The following MAP4K3 variants were observed in gnomAD, a reference collection of about 807,000 sequenced individuals.
MAP4K3 encodes mitogen-activated protein kinase kinase kinase kinase 3, also known as MAPK/ERK kinase kinase kinase 3.
MAP4K3 carries 94 observed loss-of-function variants against 143.5 expected under a neutral mutation model. The ratio of observed to expected loss-of-function variants is 0.65; its 90% CI spans 0.55 to 0.78. MAP4K3 has a LOEUF of 0.78. MAP4K3 is among the 30% of genes least tolerant of loss of function. MAP4K3 has a pLI of 0.00. For synonymous variants in MAP4K3, 416 were observed against 347.2 expected (o/e 1.20, Z -2.20); for missense variants, 1,077 against 1,068.1 (o/e 1.01, Z -0.12).
chr2:39,339,630 G>A (rs1665084675), intron 4 of MAP4K3, among the ~76,000 whole-genome samples: 1 of 152,176 alleles, frequency 6.6e-6, no homozygotes, highest in South Asian at 2.1e-4. Flanking sequence ...AGAAGTCTCA[G>A]AGGGCTACAT....
intron 26 of MAP4K3, among the ~76,000 whole-genome samples, chr2:39,269,742 GAC>G (rs1418991128): frequency 6.6e-6 from 1 of 152,074 alleles, no homozygotes; most frequent in Non-Finnish European, 1.5e-5. Context: ...GCTAAACAAT[GAC>G]ACAGAATTTA....
At chr2:39,326,098 G>C in intron 9 of MAP4K3, 48 bp downstream of exon 9, 3 of 1,589,120 alleles carry the variant, frequency 1.9e-6, no homozygotes, top group Non-Finnish European at 2.6e-6. Flanking sequence ...AGCATACTAA[G>C]AGGATAAAAA....
intron 7 of MAP4K3, among the ~76,000 whole-genome samples, chr2:39,333,108 C>T (rs1683731975): frequency 6.6e-6 from 1 of 152,062 alleles, no homozygotes; most frequent in African/African-American, 2.4e-5. Context: ...CAACATTCAG[C>T]ATCTAAATTA....
intron 1 of MAP4K3, among the ~76,000 whole-genome samples, chr2:39,394,292 G>A (rs1213277607): frequency 6.6e-6 from 1 of 152,130 alleles, no homozygotes; most frequent in South Asian, 2.1e-4. Flanking sequence ...AAACATAAAG[G>A]AGGAGCCAGG....
rs770858392 is a variant in MAP4K3 at position 39,286,839 on chromosome 2, T to C, written c.1587+13A>G. The C allele has an allele frequency of 1.3e-6, 2 of 1,546,780 alleles. No homozygotes were observed. Among genetic ancestry groups the C allele is most frequent in the Non-Finnish European group, 1.8e-6 (2 of 1,134,970 alleles). On this transcript the variant is annotated intron_variant, in intron 21 of 33. Transcript: ENST00000263881. Reference sequence around the variant, plus strand: ...AACAAATACAAGTAGAACTTATGACTATCAATACCTACTGGTACATCTTTC... The same window carrying C: ...AACAAATACAAGTAGAACTTATGACCATCAATACCTACTGGTACATCTTTC...
At position 39,299,779 on chromosome 2, in the gene MAP4K3, T is replaced by C. The variant is rs1682432825; in HGVS notation, c.1142A>G (p.Gln381Arg). ...SNLDLQLEYGQGHQGGYFLGA... is the reference protein window; with the variant it reads ...SNLDLQLEYGRGHQGGYFLGA... Reference sequence around the variant, plus strand: ...TAAAAAGTAACCACCTTGGTGTCCTTGTCCATATTCCAGTTGCAGATCCTA... The same window carrying C: ...TAAAAAGTAACCACCTTGGTGTCCTCGTCCATATTCCAGTTGCAGATCCTA... The change falls in exon 16 of 34, where the codon CAA (glutamine) becomes CGA (arginine). Residue 381 changes from glutamine (Q) to arginine (R), a missense_variant. Gln to Arg is a conservative substitution (Grantham distance 43). Around this residue, in one of 2 missense-constraint regions of MAP4K3, gnomAD observed 864 missense variants for 801.2 expected, o/e 1.08. Transcript: ENST00000263881. 6 of 1,577,598 alleles carry C rather than the reference T, an allele frequency of 3.8e-6. No individual in the cohort carries two copies. The highest frequency in any genetic ancestry group is 4.3e-6 in the Non-Finnish European group (5 of 1,163,588).
intron 8 of MAP4K3, 140 bp from the exon 9 acceptor site, chr2:39,326,417 T>C (rs1683491290): frequency 3.9e-6 from 3 of 773,198 alleles, no homozygotes; most frequent in Non-Finnish European, 2.1e-6. Context: ...TATGCAGTAC[T>C]TAAAAGGTCC....
chr2:39,347,650 CTTAAATTAACTT>C (rs1346518213), intron 3 of MAP4K3, among the ~76,000 whole-genome samples: 1 of 151,968 alleles, frequency 6.6e-6, no homozygotes, highest in Non-Finnish European at 1.5e-5. Flanking sequence ...TGTAGTATAA[CTTAAATTAACTT>C]GTAAATTAAC....
At chr2:39,416,708 T>C (rs966192426) in intron 1 of MAP4K3, among the ~76,000 whole-genome samples, 1 of 152,202 alleles carries the variant, frequency 6.6e-6, no homozygotes, top group Admixed American at 6.5e-5. Context: ...GAAGGGTACT[T>C]TGGGGATTTT....
intron 12 of MAP4K3, among the ~76,000 whole-genome samples, chr2:39,316,158 G>C (rs1023758277): frequency 1.3e-5 from 2 of 151,710 alleles, no homozygotes; most frequent in African/African-American, 4.8e-5. Context: ...TTAATTATTT[G>C]CCTTTAATTT....
At chr2:39,420,848 C>G (rs1176040499) in intron 1 of MAP4K3, among the ~76,000 whole-genome samples, 4 of 152,186 alleles carry the variant, frequency 2.6e-5, no homozygotes, top group African/African-American at 7.2e-5. Context: ...TCCACTATCC[C>G]TCTTGACGAT....
At chr2:39,325,451 TACAG>T in intron 12 of MAP4K3, 63 bp downstream of exon 12, 1 of 1,084,352 alleles carries the variant, frequency 9.2e-7, no homozygotes, top group Non-Finnish European at 1.4e-6. Flanking sequence ...GAGACGTACA[TACAG>T]ACACACATAT....
intron 1 of MAP4K3, among the ~76,000 whole-genome samples, chr2:39,408,398 C>T (rs941065082): frequency 5.9e-5 from 9 of 151,804 alleles, no homozygotes; most frequent in African/African-American, 9.7e-5. Context: ...TCATTAGACA[C>T]GATACTCTAG....
At chr2:39,426,456 C>A (rs538869990) in intron 1 of MAP4K3, among the ~76,000 whole-genome samples, 1 of 151,592 alleles carries the variant, frequency 6.6e-6, no homozygotes, top group Non-Finnish European at 1.5e-5. Flanking sequence ...TTTAAATTTC[C>A]TGATTTTGAT....
At chr2:39,335,137 G>T (rs1456873413) in intron 6 of MAP4K3, among the ~76,000 whole-genome samples, 3 of 152,174 alleles carry the variant, frequency 2.0e-5, no homozygotes, top group Non-Finnish European at 4.4e-5. Context: ...AGGTCACGGA[G>T]AAATGCATGG....
Position 39,336,977 on chromosome 2 carries a change from CA to C in MAP4K3, c.367-11del. ...GAAGATAATATAATCCCTGGAGTTT[CA>C]AAAAACAGAAAAATAAACAAGATTT... On this transcript the variant is annotated splice_polypyrimidine_tract_variant and intron_variant, in intron 5 of 33. Transcript: ENST00000263881. 6 of 1,324,000 alleles carry C rather than the reference CA, an allele frequency of 4.5e-6. No homozygotes were observed. The highest frequency in any genetic ancestry group is 4.2e-5 in the Admixed American group (2 of 47,954). The allele number at this position is 1,324,000 out of a possible 1,614,324, so 82.0% of individuals were successfully genotyped here. A position where few individuals can be genotyped will look rare whatever the true frequency, so the allele number is the denominator to read the frequency against.
In MAP4K3 at chr2:39,315,845, C is replaced by A. The variant is rs369600840; in HGVS notation, c.919-457G>T. Among the ~76,000 whole-genome samples, 12 of 151,914 alleles carry A rather than the reference C, an allele frequency of 7.9e-5. No homozygotes were observed. The East Asian group carries it at 2.3e-3, about 29-fold the overall frequency. On this transcript the variant is annotated intron_variant, in intron 12 of 33. Transcript: ENST00000263881. ...ATTTAATGATGGTTGAGCTTAGAAG[C>A]CTTTTAAGGTTTATTTTTCAATTTA...
intron 1 of MAP4K3, among the ~76,000 whole-genome samples, chr2:39,400,690 CTTTA>C (rs1666931651): frequency 6.6e-6 from 1 of 151,770 alleles, no homozygotes; most frequent in African/African-American, 2.4e-5. Flanking sequence ...GGAAGTCCTG[CTTTA>C]TTTATATCTA....
intron 2 of MAP4K3, among the ~76,000 whole-genome samples, chr2:39,377,083 A>C (rs775034599): frequency 3.3e-5 from 5 of 151,886 alleles, no homozygotes; most frequent in Non-Finnish European, 7.4e-5. Flanking sequence ...TTTTAATATC[A>C]CTTCTAAAAA....
Sources: gnomAD v4.1 joint callset for allele counts (sites outside exome capture counted in the v4.1 genomes callset) on GRCh38, gnomAD v4.1.1 for gene constraint, gnomAD v4.1.1 regional missense constraint, MANE v1.5 for transcripts, NCBI Gene and HGNC (gene_info 2026-07-23, HGNC 2026-07-21) for gene names.